Variants in DACH2 observed in about 807,000 individuals in gnomAD.
DACH2 encodes the protein dachshund family transcription factor 2, also known as dachshund homolog 2.
In DACH2, 17 loss-of-function variants were observed where a neutral mutation model predicts 35.8. That is an observed-to-expected ratio of 0.48 (90% CI 0.33 to 0.71). The LOEUF is 0.71. DACH2 is among the 30% of genes least tolerant of loss of function. DACH2 has a pLI of 0.02. For missense variants in DACH2, 469 were observed against 472.7 expected (o/e 0.99, Z 0.07); for synonymous variants, 195 against 177.3 (o/e 1.10, Z -0.79).
intron 6 of DACH2, among the ~76,000 whole-genome samples, chrX:86,729,250 A>T (rs893928702): frequency 2.7e-5 from 3 of 112,040 alleles, no homozygotes; most frequent in African/African-American, 9.7e-5. Context: ...AGATTTAATG[A>T]CTGCCCTGCA....
At chrX:86,303,557 AG>A (rs1363675642) in intron 1 of DACH2, among the ~76,000 whole-genome samples, 1 of 110,699 alleles carries the variant, frequency 9.0e-6, no homozygotes, top group East Asian at 2.9e-4. Context: ...TACTGAAGAG[AG>A]GACTCAAGTA....
At chrX:86,778,206 T>A (rs868277943) in intron 7 of DACH2, among the ~76,000 whole-genome samples, 8 of 111,605 alleles carry the variant, frequency 7.2e-5, no homozygotes, top group Middle Eastern at 4.6e-3. Flanking sequence ...TTTTTTGAGA[T>A]CCCTCCATAC....
At chrX:86,678,374 G>A (rs2040843751) in intron 4 of DACH2, among the ~76,000 whole-genome samples, 1 of 111,890 alleles carries the variant, frequency 8.9e-6, no homozygotes. Flanking sequence ...TTGCCAAATT[G>A]GAAATATGTT....
intron 1 of DACH2, among the ~76,000 whole-genome samples, chrX:86,305,562 G>T (rs1229048313): frequency 1.8e-5 from 2 of 111,096 alleles, no homozygotes; most frequent in African/African-American, 6.5e-5. Flanking sequence ...GACTACAAAA[G>T]CAAAAACAGA....
chrX:86,373,486 G>A (rs976510040), intron 1 of DACH2, among the ~76,000 whole-genome samples: 5 of 110,929 alleles, frequency 4.5e-5, no homozygotes, highest in Middle Eastern at 4.6e-3. Context: ...TCTTTGGGAG[G>A]ACATTAAAGA....
chrX:86,731,025 G>A (rs2041527320), intron 6 of DACH2, among the ~76,000 whole-genome samples: 1 of 111,730 alleles, frequency 9.0e-6, no homozygotes, highest in African/African-American at 3.2e-5. Flanking sequence ...AGACTCAAAT[G>A]AACACAGCAC....
At chrX:86,423,990 C>T (rs1197414970) in intron 2 of DACH2, among the ~76,000 whole-genome samples, 1 of 110,982 alleles carries the variant, frequency 9.0e-6, no homozygotes, top group African/African-American at 3.3e-5. Flanking sequence ...AATGAGTTCA[C>T]TGTAGGTGTG....
At chrX:86,426,239 C>G (rs1569394666) in intron 2 of DACH2, among the ~76,000 whole-genome samples, 3 of 110,899 alleles carry the variant, frequency 2.7e-5, no homozygotes, top group Non-Finnish European at 1.9e-5. Flanking sequence ...GATGGGGTAA[C>G]ATTATGTGTG....
intron 2 of DACH2, among the ~76,000 whole-genome samples, chrX:86,433,219 G>T (rs1275578538): frequency 8.9e-6 from 1 of 111,961 alleles, no homozygotes; most frequent in Non-Finnish European, 1.9e-5. Flanking sequence ...TGTCTGTTAA[G>T]TATAAAAATA....
intron 3 of DACH2, among the ~76,000 whole-genome samples, chrX:86,531,040 C>G (rs1020574081): frequency 8.9e-6 from 1 of 111,759 alleles, no homozygotes; most frequent in Non-Finnish European, 1.9e-5. Context: ...TTTAGGGTAT[C>G]TGGTGTAAGA....
chrX:86,462,492 T>C, intron 2 of DACH2, among the ~76,000 whole-genome samples: 1 of 111,720 alleles, frequency 9.0e-6, no homozygotes, highest in East Asian at 2.8e-4. Context: ...CAAGAGGTCT[T>C]GTACATACAT....
At chrX:86,286,139 T>G (rs1277143025) in intron 1 of DACH2, among the ~76,000 whole-genome samples, 3 of 1,171 alleles carry the variant, frequency 2.6e-3, no homozygotes, top group African/African-American at 4.5e-3. Flanking sequence ...TTTTTTTTTT[T>G]GAGACGGATC....
Position 86,229,708 on chromosome X carries a change from ATT to A in DACH2, c.488+80613_488+80614del, listed in dbSNP as rs137864672. Among the ~76,000 whole-genome samples, 109 of 95,260 alleles carry A rather than the reference ATT, an allele frequency of 1.1e-3. 1 individual carries two copies. The East Asian group carries it at 0.018, about 16-fold the overall frequency. The allele number at this position is 95,260 out of a possible 115,157, so 82.7% of individuals were successfully genotyped here. A position where few individuals can be genotyped will look rare whatever the true frequency, so the allele number is the denominator to read the frequency against. On this transcript the variant is annotated intron_variant, in intron 1 of 11. Coordinates refer to ENST00000373125, the MANE Select transcript of DACH2 (RefSeq NM_053281.3). ...TCCTTTGTGAGGTATATTCCTAAGTATTTTTTTTTTTTTTGCAGCTATTGTGA... is the reference window on the plus strand; with the variant it reads ...TCCTTTGTGAGGTATATTCCTAAGTATTTTTTTTTTTTGCAGCTATTGTGA...
intron 7 of DACH2, among the ~76,000 whole-genome samples, chrX:86,752,528 A>G (rs373356279): frequency 1.8e-5 from 2 of 112,017 alleles, no homozygotes; most frequent in East Asian, 2.8e-4. Context: ...AGTAATCACT[A>G]TGTAATGCTA....
chrX:86,662,604 A>G (rs1186253865), intron 4 of DACH2, among the ~76,000 whole-genome samples: 4 of 110,318 alleles, frequency 3.6e-5, no homozygotes, highest in Non-Finnish European at 7.6e-5. Context: ...AAAAAAAAAA[A>G]AGGTGGGAGA....
intron 3 of DACH2, among the ~76,000 whole-genome samples, chrX:86,543,864 T>C (rs1244822842): frequency 4.9e-5 from 5 of 101,037 alleles, no homozygotes; most frequent in African/African-American, 1.8e-4. Flanking sequence ...AGGGATAGCA[T>C]TGGGAGATAT....
chrX:86,622,147 T>G (rs2040076096), intron 3 of DACH2, among the ~76,000 whole-genome samples: 1 of 111,672 alleles, frequency 9.0e-6, no homozygotes, highest in Admixed American at 9.5e-5. Flanking sequence ...ACATAGCTAT[T>G]AAAACCTCAA....
chrX:86,199,365 A>T (rs79797608), intron 1 of DACH2, among the ~76,000 whole-genome samples: 1 of 111,321 alleles, frequency 9.0e-6, no homozygotes, highest in Non-Finnish European at 1.9e-5. Flanking sequence ...CAAGACAAGG[A>T]TGCCTCTCTC....
chrX:86,416,576 A>G (rs1569389309), intron 2 of DACH2, among the ~76,000 whole-genome samples: 1 of 111,514 alleles, frequency 9.0e-6, no homozygotes, highest in Admixed American at 9.5e-5. Flanking sequence ...ATGAGAGTGA[A>G]GAGTGTCTTA....
Sources: gnomAD v4.1 joint callset for allele counts (sites outside exome capture counted in the v4.1 genomes callset) on GRCh38, gnomAD v4.1.1 for gene constraint, MANE v1.5 for transcripts, NCBI Gene and HGNC (gene_info 2026-07-23, HGNC 2026-07-21) for gene names.